Variants in SLIT3 observed in about 807,000 individuals in gnomAD.
SLIT3 encodes slit guidance ligand 3.
In SLIT3, 68 loss-of-function variants were observed where a neutral mutation model predicts 184.0. That is an observed-to-expected ratio of 0.37 (90% CI 0.30 to 0.45). The LOEUF is 0.45. Among genes scored for constraint, SLIT3 ranks in the 20% least tolerant of loss-of-function variants. SLIT3 has a pLI of 1.00. For missense variants in SLIT3, 1,707 were observed against 2,026.0 expected (o/e 0.84, Z 3.02); for synonymous variants, 831 against 828.6 (o/e 1.00, Z -0.05).
intron 4 of SLIT3, among the ~76,000 whole-genome samples, chr5:169,136,750 T>C (rs1437395993): frequency 6.6e-6 from 1 of 151,806 alleles, no homozygotes; most frequent in Non-Finnish European, 1.5e-5. Flanking sequence ...TAGGAGGAGG[T>C]TGTGTGTGTT....
intron 4 of SLIT3, among the ~76,000 whole-genome samples, chr5:168,915,984 A>G (rs1394196149): frequency 6.6e-6 from 1 of 152,204 alleles, no homozygotes; most frequent in Non-Finnish European, 1.5e-5. Context: ...TTCTTATGAT[A>G]CTTTAAGTTC....
At chr5:169,002,322 C>CAAAAAAAAAAAAAAAAAAAAAA (rs397999882) in intron 4 of SLIT3, among the ~76,000 whole-genome samples, 29 of 24,202 alleles carry the variant, frequency 1.2e-3, no homozygotes, top group Admixed American at 1.8e-3. Context: ...GACTCTGTCT[C>CAAAAAAAAAAAAAAAAAAAAAA]AAAAAAAAAA....
At chr5:169,024,776 A>G (rs559686190) in intron 4 of SLIT3, 2 of 152,312 alleles carry the variant, frequency 1.3e-5, no homozygotes, top group East Asian at 3.9e-4. Flanking sequence ...TCTTTAAGGA[A>G]GAATAGCAGT....
In SLIT3 at chr5:169,128,364, G is replaced by A. The variant is rs190459480; in HGVS notation, c.413+65115C>T. Among the ~76,000 whole-genome samples the A allele has an allele frequency of 1.1e-4, 17 of 151,434 alleles. No individual in the cohort carries two copies. The East Asian group carries it at 3.3e-3, about 29-fold the overall frequency. On this transcript the variant is annotated intron_variant, in intron 4 of 35. Coordinates refer to ENST00000519560, the MANE Select transcript of SLIT3 (RefSeq NM_003062.4). ...CCCTAAGAAATCACTTCGCTCTTCAGTAGCTTCTAAGAAGGAATCCTTTTT... is the reference window on the plus strand; with the variant it reads ...CCCTAAGAAATCACTTCGCTCTTCAATAGCTTCTAAGAAGGAATCCTTTTT...
chr5:169,283,614 G>GA (rs1767061686), intron 1 of SLIT3, among the ~76,000 whole-genome samples: 1 of 152,160 alleles, frequency 6.6e-6, no homozygotes, highest in African/African-American at 2.4e-5. Context: ...TAGGCAGCCA[G>GA]AAAACAATGC....
intron 4 of SLIT3, among the ~76,000 whole-genome samples, chr5:169,187,111 G>GTTTGTTTT (rs1763371982): frequency 1.1e-5 from 1 of 94,418 alleles, no homozygotes; most frequent in African/African-American, 4.2e-5. Flanking sequence ...GCAGCTATAG[G>GTTTGTTTT]TTTTTTTTTT....
At chr5:169,029,387 A>G (rs2113516925) in intron 4 of SLIT3, among the ~76,000 whole-genome samples, 1 of 152,270 alleles carries the variant, frequency 6.6e-6, no homozygotes, top group Middle Eastern at 3.4e-3. Flanking sequence ...TCATTGGGGG[A>G]ACTTGTTAGA....
intron 28 of SLIT3, among the ~76,000 whole-genome samples, chr5:168,695,223 T>G (rs913936709): frequency 6.6e-6 from 1 of 152,314 alleles, no homozygotes; most frequent in African/African-American, 2.4e-5. Context: ...GTCCAGGACA[T>G]GGGAGTCCCT....
chr5:169,171,875 A>T (rs1439653070), intron 4 of SLIT3, among the ~76,000 whole-genome samples: 1 of 152,236 alleles, frequency 6.6e-6, no homozygotes, highest in African/African-American at 2.4e-5. Context: ...TAAGGGGCCT[A>T]CGGCTATTCT....
intron 4 of SLIT3, among the ~76,000 whole-genome samples, chr5:169,190,360 G>C (rs902263566): frequency 1.2e-4 from 19 of 152,172 alleles, no homozygotes; most frequent in African/African-American, 4.3e-4. Context: ...AAGACTTAAT[G>C]ACATCACCAA....
At chr5:168,864,125 G>A (rs375799692) in intron 5 of SLIT3, among the ~76,000 whole-genome samples, 5 of 152,026 alleles carry the variant, frequency 3.3e-5, no homozygotes, top group African/African-American at 7.3e-5. Context: ...CAGAAGGATC[G>A]CTTGAGCCCA....
chr5:168,715,072 T>C (rs1417676494), intron 23 of SLIT3, among the ~76,000 whole-genome samples: 1 of 152,156 alleles, frequency 6.6e-6, no homozygotes, highest in African/African-American at 2.4e-5. Context: ...TGAATTCTCT[T>C]CTGAGCAGGC....
At chr5:168,730,460 T>G (rs139718986) in intron 20 of SLIT3, among the ~76,000 whole-genome samples, 1 of 152,068 alleles carries the variant, frequency 6.6e-6, no homozygotes, top group Non-Finnish European at 1.5e-5. Context: ...TTCTCCAAGA[T>G]AGACCACAAG....
chr5:169,244,521 G>C (rs1298384172), intron 3 of SLIT3, among the ~76,000 whole-genome samples, 184 bp downstream of exon 3: 2 of 152,154 alleles, frequency 1.3e-5, no homozygotes, highest in Non-Finnish European at 2.9e-5. Context: ...GAGTGTAAGT[G>C]GATCTCAGTG....
chr5:168,665,008 C>T lies in SLIT3; in HGVS notation c.*1446G>A, dbSNP rs1434193218. ...AGCAGGAAAAAACATCATATTATTT[C>T]CTTTTCCGGCAGGGCTGCTCTGATG... On this transcript the variant is annotated 3_prime_UTR_variant, in exon 36 of 36. Coordinates refer to ENST00000519560, the MANE Select transcript of SLIT3 (RefSeq NM_003062.4). 1 of 152,204 alleles carries T rather than the reference C, an allele frequency of 6.6e-6. No homozygotes were observed. Among genetic ancestry groups the T allele is most frequent in the Non-Finnish European group, 1.5e-5 (1 of 68,052 alleles). The allele number at this position is 152,204 out of a possible 1,614,324, so 9.4% of individuals were successfully genotyped here.
intron 4 of SLIT3, among the ~76,000 whole-genome samples, chr5:168,993,673 G>GAAA (rs11428012): frequency 1.9e-4 from 27 of 145,300 alleles, no homozygotes; most frequent in African/African-American, 5.8e-4. Context: ...AAGTACACAG[G>GAAA]AAAAAAAAAA....
chr5:169,013,495 G>C lies in SLIT3; in HGVS notation c.414-130159C>G, dbSNP rs528618877. The C allele has an allele frequency of 2.0e-5, 3 of 152,308 alleles. No individual in the cohort carries two copies. The East Asian group carries it at 5.8e-4, about 29-fold the overall frequency. The allele number at this position is 152,308 out of a possible 1,614,324, so 9.4% of individuals were successfully genotyped here. A position where few individuals can be genotyped will look rare whatever the true frequency, so the allele number is the denominator to read the frequency against. On this transcript the variant is annotated intron_variant, in intron 4 of 35. Transcript: ENST00000519560. ...GGTTTTGTAATTAAAACTGAAACCCGATCCTTCTGCTCTCAGAGACCTGAC... is the reference window on the plus strand; with the variant it reads ...GGTTTTGTAATTAAAACTGAAACCCCATCCTTCTGCTCTCAGAGACCTGAC...
At chr5:169,048,561 A>G (rs1757705412) in intron 4 of SLIT3, among the ~76,000 whole-genome samples, 1 of 152,228 alleles carries the variant, frequency 6.6e-6, no homozygotes, top group Non-Finnish European at 1.5e-5. Context: ...CGGCGTAGCC[A>G]TTCACACAGT....
chr5:169,060,184 G>A (rs1561637488), intron 4 of SLIT3, among the ~76,000 whole-genome samples: 1 of 152,324 alleles, frequency 6.6e-6, no homozygotes, highest in East Asian at 1.9e-4. Flanking sequence ...GAAGTCAGGA[G>A]CTCAAGACCA....
Sources: gnomAD v4.1 joint callset for allele counts (sites outside exome capture counted in the v4.1 genomes callset) on GRCh38, gnomAD v4.1.1 for gene constraint, MANE v1.5 for transcripts, NCBI Gene and HGNC (gene_info 2026-07-23, HGNC 2026-07-21) for gene names.